USP24: variants seen among roughly 807,000 people sequenced by gnomAD.
USP24 encodes the protein ubiquitin carboxyl-terminal hydrolase 24.
USP24 carries 97 observed loss-of-function variants against 361.6 expected under a neutral mutation model. The ratio of observed to expected loss-of-function variants is 0.27; its 90% CI spans 0.23 to 0.32. The LOEUF (loss-of-function observed/expected upper bound fraction) is 0.32. Among genes scored for constraint, USP24 ranks in the 10% least tolerant of loss-of-function variants. The probability of loss-of-function intolerance (pLI) is 1.00; values close to 1 mark genes in which losing one functional copy is unlikely to be tolerated. For synonymous variants in USP24, 1,098 were observed against 1,124.6 expected, an observed-to-expected ratio of 0.98 and a Z score of 0.47; for missense variants, 2,353 against 3,165.6, an observed-to-expected ratio of 0.74 and a Z score of 6.16.
chr1:55,122,254 A>G (rs534454706), intron 36 of USP24, among the ~76,000 whole-genome samples: 1 of 152,318 alleles, frequency 6.6e-6, no homozygotes, highest in South Asian at 2.1e-4. Context: ...TGGTTGGGGA[A>G]TGTTTCAGTA....
At chr1:55,071,517 G>A (rs1472072209) in intron 67 of USP24, 2 of 1,164,458 alleles carry the variant, frequency 1.7e-6, no homozygotes, top group Non-Finnish European at 2.1e-6. Context: ...AAGTGAACAA[G>A]CTGGAACGAA....
chr1:55,112,347 T>C (rs576816518), intron 38 of USP24, among the ~76,000 whole-genome samples: 1 of 152,354 alleles, frequency 6.6e-6, no homozygotes, highest in East Asian at 1.9e-4. Flanking sequence ...GCTTCTCTAG[T>C]TCTTTTAATT....
intron 30 of USP24, 136 bp downstream of exon 30, chr1:55,133,934 G>T: frequency 1.2e-6 from 1 of 847,396 alleles, no homozygotes; most frequent in Non-Finnish European, 1.9e-6. Flanking sequence ...CACTGGGCTG[G>T]TGAAGGTATT....
intron 1 of USP24, among the ~76,000 whole-genome samples, chr1:55,195,030 A>T (rs1359875743): frequency 6.6e-6 from 1 of 151,932 alleles, no homozygotes; most frequent in Non-Finnish European, 1.5e-5. Flanking sequence ...ACAAAACAAA[A>T]CAAAACGAAA....
At chr1:55,098,611 A>C (rs1300972763) in intron 45 of USP24, 53 bp from the exon 46 acceptor site, 1 of 1,312,384 alleles carries the variant, frequency 7.6e-7, no homozygotes, top group Non-Finnish European at 1.1e-6. Context: ...ACTTATGAGT[A>C]TACAGAATTT....
Position 55,110,907 on chromosome 1 carries a change from T to TA in USP24, c.4509-662dup, listed in dbSNP as rs543468410. Among the ~76,000 whole-genome samples the TA allele has an allele frequency of 9.9e-5, 15 of 152,086 alleles. 1 individual carries two copies. In the South Asian group the frequency reaches 2.9e-3, roughly 29 times the overall value. ...AAAATGCTTACTATAGTATTGGAAA[T>TA]AAAAAACATACGCATATACACAAAC... On this transcript the variant is annotated intron_variant, in intron 38 of 67. Transcript: ENST00000294383.
chr1:55,111,875 CG>C (rs1459037289), intron 38 of USP24, among the ~76,000 whole-genome samples: 1 of 151,790 alleles, frequency 6.6e-6, no homozygotes, highest in African/African-American at 2.4e-5. Context: ...ATGTAGAAGC[CG>C]GGATACAGGG....
chr1:55,201,178 G>C (rs1360910260), intron 1 of USP24, among the ~76,000 whole-genome samples: 1 of 152,138 alleles, frequency 6.6e-6, no homozygotes, highest in East Asian at 1.9e-4. Context: ...CATGAATGGG[G>C]GAAATGTGTT....
chr1:55,134,021 C>A, intron 30 of USP24, 49 bp downstream of exon 30: 1 of 1,452,186 alleles, frequency 6.9e-7, no homozygotes, highest in Admixed American at 1.8e-5. Flanking sequence ...TATTTTCACT[C>A]ACTGAATTGT....
At chr1:55,123,990 T>C (rs12067150) in intron 35 of USP24, among the ~76,000 whole-genome samples, 189 of 152,338 alleles carry the variant, frequency 1.2e-3, no homozygotes, top group African/African-American at 4.3e-3. Flanking sequence ...CTTTACTGTA[T>C]ATATGTCAAA....
chr1:55,151,480 A>G (rs887479864), intron 16 of USP24, among the ~76,000 whole-genome samples: 21 of 152,234 alleles, frequency 1.4e-4, no homozygotes, highest in African/African-American at 4.8e-4. Flanking sequence ...GGGAGGAAGT[A>G]AGAGGAAGGA....
intron 28 of USP24, among the ~76,000 whole-genome samples, chr1:55,136,430 G>T (rs557117395): frequency 6.6e-6 from 1 of 152,124 alleles, no homozygotes; most frequent in Non-Finnish European, 1.5e-5. Flanking sequence ...CACTCGGGCC[G>T]AGTGGTACAA....
chr1:55,183,969 G>T (rs1644051491), intron 1 of USP24, among the ~76,000 whole-genome samples: 1 of 152,126 alleles, frequency 6.6e-6, no homozygotes, highest in African/African-American at 2.4e-5. Context: ...ACCAAAGAGA[G>T]CAGGGGTGAC....
intron 1 of USP24, among the ~76,000 whole-genome samples, chr1:55,189,831 C>A (rs1412308200): frequency 6.6e-6 from 1 of 151,998 alleles, no homozygotes; most frequent in Non-Finnish European, 1.5e-5. Flanking sequence ...TAATAAAAAT[C>A]TAACACATAT....
intron 66 of USP24, among the ~76,000 whole-genome samples, 170 bp from the exon 67 acceptor site, chr1:55,072,094 A>G (rs976426177): frequency 6.6e-6 from 1 of 152,094 alleles, no homozygotes; most frequent in African/African-American, 2.4e-5. Context: ...TTTTGTGACC[A>G]GACTGCCCAA....
In USP24 at chr1:55,067,805, A is replaced by G. The variant is rs988667674; in HGVS notation, c.*1240T>C. 6.6e-6 allele frequency: 1 copy of G among 152,234 alleles called. No homozygotes were observed. The highest frequency in any genetic ancestry group is 6.5e-5 in the Admixed American group (1 of 15,286). The allele number at this position is 152,234 out of a possible 1,614,324, so 9.4% of individuals were successfully genotyped here. A position where few individuals can be genotyped will look rare whatever the true frequency, so the allele number is the denominator to read the frequency against. ...TCAAAATACAAAATGTACAAAATAT[A>G]TATGAAATATGTGGGTGTAAACCTC... On this transcript the variant is annotated 3_prime_UTR_variant, in exon 68 of 68. Coordinates refer to ENST00000294383, the MANE Select transcript of USP24 (RefSeq NM_015306.3).
At chr1:55,081,644 G>C (rs926827540) in intron 58 of USP24, among the ~76,000 whole-genome samples, 4 of 152,158 alleles carry the variant, frequency 2.6e-5, no homozygotes, top group Non-Finnish European at 4.4e-5. Context: ...TTCACTGTAG[G>C]TACTGAGTGC....
At chr1:55,105,021 A>G (rs1470688010) in intron 41 of USP24, among the ~76,000 whole-genome samples, 1 of 152,224 alleles carries the variant, frequency 6.6e-6, no homozygotes, top group African/African-American at 2.4e-5. Flanking sequence ...AATCAACACC[A>G]TTCAGTACAA....
At chr1:55,122,332 C>A (rs1156656705) in intron 36 of USP24, among the ~76,000 whole-genome samples, 1 of 152,122 alleles carries the variant, frequency 6.6e-6, no homozygotes, top group African/African-American at 2.4e-5. Flanking sequence ...GCTGGGGGAA[C>A]AGCAAGGAGC....
Sources: gnomAD v4.1 joint callset for allele counts (sites outside exome capture counted in the v4.1 genomes callset) on GRCh38, gnomAD v4.1.1 for gene constraint, MANE v1.5 for transcripts, NCBI Gene and HGNC (gene_info 2026-07-23, HGNC 2026-07-21) for gene names.